TMTC4: variants seen among roughly 807,000 people sequenced by gnomAD.
The protein encoded by TMTC4 is protein O-mannosyl-transferase TMTC4.
In TMTC4, 65 loss-of-function variants were observed where a neutral mutation model predicts 86.0. That is an observed-to-expected ratio of 0.76 (90% CI 0.62 to 0.93). The LOEUF is 0.93. TMTC4 is among the 40% of genes least tolerant of loss of function. The probability of loss-of-function intolerance (pLI) is 0.00; values close to 1 mark genes in which losing one functional copy is unlikely to be tolerated. For synonymous variants in TMTC4, 379 were observed against 382.5 expected, an observed-to-expected ratio of 0.99 and a Z score of 0.11; for missense variants, 866 against 948.1, an observed-to-expected ratio of 0.91 and a Z score of 1.14.
At chr13:100,656,742 C>T (rs943988931) in intron 5 of TMTC4, among the ~76,000 whole-genome samples, 1 of 151,910 alleles carries the variant, frequency 6.6e-6, no homozygotes, top group African/African-American at 2.4e-5. Context: ...CGGGGTTTCA[C>T]CATGTTGCCC....
rs1431085943 is a variant in TMTC4 at position 100,668,563 on chromosome 13, G to C, written c.219+16C>G. The C allele has an allele frequency of 6.2e-7, 1 of 1,611,240 alleles. No homozygotes were observed. The highest frequency in any genetic ancestry group is 8.5e-7 in the Non-Finnish European group (1 of 1,177,952). On this transcript the variant is annotated intron_variant, in intron 3 of 18. Coordinates refer to ENST00000342624, the MANE Select transcript of TMTC4 (RefSeq NM_032813.5). ...TTGGGCAGTTAAGTTTACCAGAAAA[G>C]AGTTGAGATACAAACCTTATTGTTA...
At chr13:100,611,061 T>C (rs572477823) in intron 17 of TMTC4, among the ~76,000 whole-genome samples, 1 of 152,390 alleles carries the variant, frequency 6.6e-6, no homozygotes, top group South Asian at 2.1e-4. Flanking sequence ...TGAAATTATC[T>C]TACCATTGTT....
At chr13:100,654,235 G>C (rs1197259633) in intron 6 of TMTC4, among the ~76,000 whole-genome samples, 1 of 152,120 alleles carries the variant, frequency 6.6e-6, no homozygotes, top group Non-Finnish European at 1.5e-5. Flanking sequence ...CTATCGGTTT[G>C]CAAATGCAAA....
At chr13:100,641,921 T>C (rs558930672) in intron 7 of TMTC4, among the ~76,000 whole-genome samples, 1 of 152,256 alleles carries the variant, frequency 6.6e-6, no homozygotes, top group Non-Finnish European at 1.5e-5. Context: ...CATTCTTTTA[T>C]CTTTTTCTAC....
At chr13:100,633,906 G>C (rs1224738703) in intron 12 of TMTC4, among the ~76,000 whole-genome samples, 1 of 152,174 alleles carries the variant, frequency 6.6e-6, no homozygotes, top group Non-Finnish European at 1.5e-5. Context: ...CTGGGAGGCT[G>C]AAGCAGACGG....
intron 6 of TMTC4, among the ~76,000 whole-genome samples, chr13:100,650,296 G>A (rs1884269213): frequency 6.6e-6 from 1 of 152,224 alleles, no homozygotes; most frequent in Admixed American, 6.5e-5. Flanking sequence ...GGAGGCAAAG[G>A]CTAATGGAGT....
intron 10 of TMTC4, 64 bp downstream of exon 10, chr13:100,636,468 A>G: frequency 1.9e-6 from 3 of 1,574,084 alleles, no homozygotes; most frequent in Admixed American, 1.7e-5. Context: ...TGATCAGCGC[A>G]GGATTTCACA....
chr13:100,629,482 G>A (rs185516037), intron 12 of TMTC4, among the ~76,000 whole-genome samples: 3 of 152,194 alleles, frequency 2.0e-5, no homozygotes, highest in Admixed American at 6.5e-5. Flanking sequence ...GCCATTCAGC[G>A]TCTCATCTAG....
intron 15 of TMTC4, 99 bp downstream of exon 15, chr13:100,625,436 A>G (rs770132094): frequency 1.0e-5 from 15 of 1,492,344 alleles, no homozygotes; most frequent in Non-Finnish European, 1.1e-5. Context: ...AGAACTTTAT[A>G]AAATGTATGG....
At chr13:100,611,382 A>G (rs1877545200) in intron 17 of TMTC4, among the ~76,000 whole-genome samples, 1 of 152,106 alleles carries the variant, frequency 6.6e-6, no homozygotes, top group South Asian at 2.1e-4. Context: ...TCAGGAGATC[A>G]AGACCATCCT....
rs1309984742 is a variant in TMTC4 at position 100,668,607 on chromosome 13, TCAAAGA to T, written c.185_190del (p.Val62_Phe63del). 2 of 1,614,162 alleles carry T rather than the reference TCAAAGA, an allele frequency of 1.2e-6. No homozygotes were observed. The highest frequency in any genetic ancestry group is 1.7e-5 in the Admixed American group (1 of 60,016). On this transcript the variant is annotated inframe_deletion, in exon 3 of 19. Coordinates refer to ENST00000342624, the MANE Select transcript of TMTC4 (RefSeq NM_032813.5). The stretch of plus-strand genomic sequence containing the variant: ...ATTGTTAACAATAGCTTCTGAGTCA[TCAAAGA>T]CAAAGTCTCCATCATAGCTGCGTGC...
chr13:100,613,087 T>C (rs1462758913), intron 16 of TMTC4, among the ~76,000 whole-genome samples: 1 of 152,214 alleles, frequency 6.6e-6, no homozygotes, highest in Non-Finnish European at 1.5e-5. Flanking sequence ...CAAATATTGA[T>C]CATTTCTTTA....
chr13:100,647,417 C>G (rs1883902494), intron 6 of TMTC4, among the ~76,000 whole-genome samples: 1 of 152,130 alleles, frequency 6.6e-6, no homozygotes, highest in African/African-American at 2.4e-5. Context: ...CCCTCCACCC[C>G]ACCCCATCCC....
At chr13:100,606,012 C>T (rs1302184512) in intron 18 of TMTC4, among the ~76,000 whole-genome samples, 2 of 152,154 alleles carry the variant, frequency 1.3e-5, no homozygotes. Context: ...CAATGGCAAG[C>T]TTCCAAAGTA....
intron 12 of TMTC4, among the ~76,000 whole-genome samples, chr13:100,630,822 T>C (rs1474274250): frequency 6.6e-6 from 1 of 152,196 alleles, no homozygotes; most frequent in Non-Finnish European, 1.5e-5. Context: ...ACACTCAGAA[T>C]GCCAGAGACC....
chr13:100,625,963 T>A, intron 13 of TMTC4, 71 bp from the exon 14 acceptor site: 1 of 1,594,798 alleles, frequency 6.3e-7, no homozygotes, highest in African/African-American at 1.3e-5. Flanking sequence ...CTCTCAGGAA[T>A]CGGTAAAGAT....
chr13:100,607,839 C>T (rs1271210281), intron 17 of TMTC4, among the ~76,000 whole-genome samples: 1 of 152,086 alleles, frequency 6.6e-6, no homozygotes, highest in Non-Finnish European at 1.5e-5. Context: ...GGACAACATA[C>T]GGGATGTCAG....
At chr13:100,658,633 G>A (rs1885406554) in intron 5 of TMTC4, among the ~76,000 whole-genome samples, 1 of 152,162 alleles carries the variant, frequency 6.6e-6, no homozygotes, top group African/African-American at 2.4e-5. Context: ...AGGAGGGCCA[G>A]GCTGCCTAAA....
chr13:100,621,364 A>C (rs1330310078), intron 15 of TMTC4, among the ~76,000 whole-genome samples: 1 of 152,210 alleles, frequency 6.6e-6, no homozygotes, highest in Non-Finnish European at 1.5e-5. Context: ...TTTGTGAGCA[A>C]TAAAGTAACA....
Sources: gnomAD v4.1 joint callset for allele counts (sites outside exome capture counted in the v4.1 genomes callset) on GRCh38, gnomAD v4.1.1 for gene constraint, MANE v1.5 for transcripts, NCBI Gene and HGNC (gene_info 2026-07-23, HGNC 2026-07-21) for gene names.